Variants in LRBA observed in about 807,000 individuals in gnomAD.
LRBA encodes the protein LPS responsive beige-like anchor protein, also known as lipopolysaccharide-responsive and beige-like anchor protein.
Under a neutral mutation model 330.0 loss-of-function variants are expected in LRBA, and 176 were observed. The ratio of observed to expected loss-of-function variants is 0.53; its 90% confidence interval spans 0.47 to 0.60. LRBA has a LOEUF of 0.60. Among genes scored for constraint, LRBA ranks in the 20% least tolerant of loss-of-function variants. The pLI, the probability that LRBA is intolerant of heterozygous loss-of-function variation, is 0.00. For synonymous variants in LRBA, 1,230 were observed against 1,193.0 expected (o/e 1.03, Z -0.64); for missense variants, 3,259 against 3,444.8 (o/e 0.95, Z 1.35).
chr4:150,969,689 C>T (rs1229655752), intron 2 of LRBA, among the ~76,000 whole-genome samples: 4 of 152,096 alleles, frequency 2.6e-5, no homozygotes, highest in Non-Finnish European at 5.9e-5. Context: ...AGGCTAGTCT[C>T]GAACTCCTGG....
At chr4:150,354,551 T>G (rs1015353822) in intron 47 of LRBA, among the ~76,000 whole-genome samples, 1 of 152,054 alleles carries the variant, frequency 6.6e-6, no homozygotes, top group African/African-American at 2.4e-5. Context: ...CAACACAATA[T>G]AATAATATTC....
At chr4:150,325,264 A>G (rs564847305) in intron 49 of LRBA, among the ~76,000 whole-genome samples, 2 of 152,280 alleles carry the variant, frequency 1.3e-5, no homozygotes, top group Non-Finnish European at 2.9e-5. Context: ...AAAGATTTTC[A>G]TCTAACCCTC....
intron 37 of LRBA, among the ~76,000 whole-genome samples, chr4:150,613,664 C>T (rs145290929): frequency 2.0e-5 from 3 of 152,308 alleles, no homozygotes; most frequent in Non-Finnish European, 2.9e-5. Flanking sequence ...CTTTACCTGG[C>T]AGGCCTCACA....
At chr4:150,381,434 A>G (rs1418199843) in intron 47 of LRBA, among the ~76,000 whole-genome samples, 2 of 152,230 alleles carry the variant, frequency 1.3e-5, no homozygotes, top group African/African-American at 4.8e-5. Context: ...GATATTTTGT[A>G]TAAGTGGAAT....
At chr4:150,434,860 GA>G (rs113555857) in intron 46 of LRBA, among the ~76,000 whole-genome samples, 95 of 134,658 alleles carry the variant, frequency 7.1e-4, no homozygotes, top group Middle Eastern at 3.8e-3. Context: ...CTTGTTTCAA[GA>G]AAAAAAAAAA....
rs1745178715 is a variant in LRBA at position 150,265,413 on chromosome 4, A to ATATT, written c.*305_*308dup. 1.9e-5 allele frequency: 4 copies of ATATT among 212,682 alleles called. No homozygotes were observed. In the South Asian group the frequency reaches 3.5e-4, roughly 18 times the overall value. 13.2% of individuals were successfully genotyped at this position (212,682 alleles called of 1,614,324 possible). On this transcript the variant is annotated 3_prime_UTR_variant, in exon 57 of 57. Transcript: ENST00000651943. Reference sequence around the variant, plus strand: ...AGATGCATGGGAAATGTTCTTCATAATATTATAGCTGGAATAAGTGGTTTA... The same window carrying ATATT: ...AGATGCATGGGAAATGTTCTTCATAATATTTATTATAGCTGGAATAAGTGGTTTA...
At chr4:150,434,786 G>C (rs1327301241) in intron 46 of LRBA, among the ~76,000 whole-genome samples, 1 of 152,030 alleles carries the variant, frequency 6.6e-6, no homozygotes, top group African/African-American at 2.4e-5. Flanking sequence ...GGAAGGTCGA[G>C]GTTGAGGCTA....
intron 5 of LRBA, among the ~76,000 whole-genome samples, chr4:150,920,178 G>T (rs1733085304): frequency 6.6e-6 from 1 of 152,060 alleles, no homozygotes; most frequent in South Asian, 2.1e-4. Context: ...CCTAATATAA[G>T]ATTTTATGAG....
At chr4:150,275,677 A>G (rs1315851554) in intron 56 of LRBA, among the ~76,000 whole-genome samples, 1 of 152,244 alleles carries the variant, frequency 6.6e-6, no homozygotes, top group Non-Finnish European at 1.5e-5. Context: ...CCCATTCACA[A>G]TTGCTACAAA....
At chr4:150,378,257 A>T (rs1029520636) in intron 47 of LRBA, among the ~76,000 whole-genome samples, 5 of 152,158 alleles carry the variant, frequency 3.3e-5, no homozygotes, top group African/African-American at 9.7e-5. Context: ...TCAAGGTAGG[A>T]AATGTTAAGA....
chr4:150,984,032 A>C (rs955388360), intron 2 of LRBA, among the ~76,000 whole-genome samples: 1 of 152,130 alleles, frequency 6.6e-6, no homozygotes, highest in Non-Finnish European at 1.5e-5. Flanking sequence ...AATTTCCTCT[A>C]CTGCCCACCC....
At chr4:150,927,593 GA>G (rs1734023267) in intron 4 of LRBA, among the ~76,000 whole-genome samples, 2 of 152,026 alleles carry the variant, frequency 1.3e-5, no homozygotes, top group African/African-American at 2.4e-5. Context: ...TGGAGTCCCA[GA>G]AAAGACAGGA....
chr4:150,919,454 CAT>C (rs1476998444), intron 5 of LRBA, among the ~76,000 whole-genome samples: 5 of 152,134 alleles, frequency 3.3e-5, no homozygotes, highest in African/African-American at 1.2e-4. Flanking sequence ...ACATATTATA[CAT>C]ATATTCTTTT....
At chr4:150,767,530 C>T (rs541220658) in intron 34 of LRBA, among the ~76,000 whole-genome samples, 75 of 151,460 alleles carry the variant, frequency 5.0e-4, no homozygotes, top group African/African-American at 1.5e-3. Flanking sequence ...GGGGCCAAGG[C>T]AGGCAGATCA....
chr4:150,796,701 G>A (rs1462355756), intron 34 of LRBA, among the ~76,000 whole-genome samples: 3 of 151,780 alleles, frequency 2.0e-5, no homozygotes, highest in Admixed American at 6.6e-5. Context: ...AAATACATTC[G>A]ATTCTTCTAA....
intron 2 of LRBA, among the ~76,000 whole-genome samples, chr4:150,992,030 AC>A (rs1742145030): frequency 6.6e-6 from 1 of 152,196 alleles, no homozygotes; most frequent in African/African-American, 2.4e-5. Flanking sequence ...CTTAAAAGTA[AC>A]AAGGCTGGGC....
At chr4:150,667,442 T>G (rs1375692167) in intron 37 of LRBA, among the ~76,000 whole-genome samples, 1 of 152,018 alleles carries the variant, frequency 6.6e-6, no homozygotes, top group Admixed American at 6.6e-5. Flanking sequence ...ATGCTGCTAG[T>G]TTTGAAGATG....
intron 55 of LRBA, among the ~76,000 whole-genome samples, chr4:150,278,320 G>T (rs1398115718): frequency 6.6e-6 from 1 of 152,116 alleles, no homozygotes; most frequent in Non-Finnish European, 1.5e-5. Context: ...AGAAGCCCTG[G>T]CATCTCTTCA....
intron 37 of LRBA, among the ~76,000 whole-genome samples, chr4:150,640,153 G>A (rs1180171334): frequency 3.3e-5 from 5 of 151,644 alleles, no homozygotes; most frequent in African/African-American, 7.3e-5. Context: ...CACCACGCCC[G>A]GCCCCAATTT....
Sources: allele counts gnomAD v4.1 joint callset (sites outside exome capture counted in the v4.1 genomes callset), GRCh38; gene constraint gnomAD v4.1.1; transcripts MANE v1.5; gene names NCBI Gene and HGNC (gene_info 2026-07-23, HGNC 2026-07-21).